EXD3: variants seen among roughly 807,000 people sequenced by gnomAD.
EXD3 encodes exonuclease mut-7 homolog.
Under a neutral mutation model 98.0 loss-of-function variants are expected in EXD3, and 92 were observed. That is an observed-to-expected ratio of 0.94 (90% CI 0.79 to 1.12). The LOEUF is 1.12. Among genes scored for constraint, EXD3 ranks in the 50% most tolerant of loss-of-function variants. The pLI is 0.00. For missense variants in EXD3, 1,222 were observed against 1,191.6 expected (o/e 1.03, Z -0.38); for synonymous variants, 569 against 526.0 (o/e 1.08, Z -1.12).
intron 1 of EXD3, among the ~76,000 whole-genome samples, chr9:137,399,112 A>C (rs1221405682): frequency 6.6e-6 from 1 of 152,244 alleles, no homozygotes; most frequent in South Asian, 2.1e-4. Context: ...CTCCACTGGA[A>C]GCCTGGCTGT....
Position 137,392,319 on chromosome 9 carries a change from G to A in EXD3, c.55+2984C>T, listed in dbSNP as rs147449879. On this transcript the variant is annotated intron_variant, in intron 2 of 21. Coordinates refer to ENST00000340951, the MANE Select transcript of EXD3 (RefSeq NM_017820.5). ...GCCTCTCTAGAACACGCCAGAGGTG[G>A]CCATGTGGACTCTCCTCCAATGACC... 2.1e-3 allele frequency: 326 copies of A among 154,782 alleles called. 2 individuals carry two copies. The highest frequency in any genetic ancestry group is 7.5e-3 in the African/African-American group (312 of 41,582). The allele number at this position is 154,782 out of a possible 1,614,324, so 9.6% of individuals were successfully genotyped here.
chr9:137,354,824 G>A (rs946171950), intron 8 of EXD3, 51 bp from the exon 9 acceptor site: 30 of 1,558,426 alleles, frequency 1.9e-5, no homozygotes, highest in African/African-American at 8.1e-5. Context: ...GCCTCACCAC[G>A]GCCTCCTTCT....
rs368385702 is a variant in EXD3 at position 137,363,113 on chromosome 9, C to T, written c.656+3380G>A. ...GGCATGAGTCACCACACCCAGCCCTCTCATTCTCTTAATTCTTTAATATGT... is the reference window on the plus strand; with the variant it reads ...GGCATGAGTCACCACACCCAGCCCTTTCATTCTCTTAATTCTTTAATATGT... On this transcript the variant is annotated intron_variant, in intron 7 of 21. Transcript: ENST00000340951. Among the ~76,000 whole-genome samples the T allele has an allele frequency of 1.5e-4, 23 of 152,010 alleles. No individual in the cohort carries two copies. The South Asian group carries it at 4.2e-3, about 27-fold the overall frequency.
chr9:137,387,062 C>T (rs1177232138), intron 2 of EXD3, among the ~76,000 whole-genome samples: 1 of 149,890 alleles, frequency 6.7e-6, no homozygotes, highest in Non-Finnish European at 1.5e-5. Context: ...ACCCCTGCTC[C>T]GTGCTTGGCC....
chr9:137,309,703 G>C lies in EXD3; in HGVS notation c.2185-3C>G. On this transcript the variant is annotated splice_polypyrimidine_tract_variant and splice_region_variant and intron_variant, in intron 19 of 21. Coordinates refer to ENST00000340951, the MANE Select transcript of EXD3 (RefSeq NM_017820.5). The stretch of plus-strand genomic sequence containing the variant: ...AGGTACTGGTCACAGTTACAGGCCT[G>C]GGGGCCAGAGGGGGTGCTGAGGCCC... 1.9e-6 allele frequency: 3 copies of C among 1,550,538 alleles called. No homozygotes were observed. Among genetic ancestry groups the C allele is most frequent in the Non-Finnish European group, 2.6e-6 (3 of 1,147,012 alleles).
rs1336476812 is a variant in EXD3, at chr9:137,371,390, G to A, written c.462+1515C>T. Reference sequence around the variant, plus strand: ...CAGCGCCAGGGGTGGGGCCCGCGCGGCCCACACAGGGGACACTCCTGTGAG... The same window carrying A: ...CAGCGCCAGGGGTGGGGCCCGCGCGACCCACACAGGGGACACTCCTGTGAG... On this transcript the variant is annotated intron_variant, in intron 5 of 21. Transcript: ENST00000340951. The surrounding 1 kb of genome is among the most constrained non-coding windows in gnomAD (Gnocchi z 8.0). Among the ~76,000 whole-genome samples, 1 of 152,056 alleles carries A rather than the reference G, an allele frequency of 6.6e-6. No individual in the cohort carries two copies. The highest frequency in any genetic ancestry group is 1.5e-5 in the Non-Finnish European group (1 of 67,964).
chr9:137,322,440 C>A lies in EXD3; in HGVS notation c.2184+1285G>T, dbSNP rs556811445. On this transcript the variant is annotated intron_variant, in intron 19 of 21. Coordinates refer to ENST00000340951, the MANE Select transcript of EXD3 (RefSeq NM_017820.5). ...CGAGGGATGCTCTGCCGACACCTCA[C>A]CCCGGACCCACGAGGGATGCTCTGC... 3.4e-3 allele frequency among the ~76,000 whole-genome samples: 497 copies of A among 146,830 alleles called. 1 individual carries two copies. The highest frequency in any genetic ancestry group is 5.1e-3 in the Non-Finnish European group (332 of 65,666).
chr9:137,349,159 C>T lies in EXD3; in HGVS notation c.1781G>A (p.Arg594Gln), dbSNP rs770651255. ...CGCTTTCTGCAGGCCGGGTGGCTTC[C>T]GTGCCCCTGGTCTCTCTCTGTGCCT... ...RPRHRERPGA[R>Q]KPPGLQKASA... The change falls in exon 16 of 22, where the codon CGG becomes CAG. Residue 594 changes from arginine to glutamine, a missense_variant. By Grantham distance (43) the Arg-to-Gln change is conservative (BLOSUM62 1). Coordinates refer to ENST00000340951, the MANE Select transcript of EXD3 (RefSeq NM_017820.5). The surrounding 1 kb of genome is among the most constrained non-coding windows in gnomAD (Gnocchi z 7.4). 459 of 1,596,182 alleles carry T rather than the reference C, an allele frequency of 2.9e-4. No homozygotes were observed. The highest frequency in any genetic ancestry group is 3.6e-4 in the Non-Finnish European group (425 of 1,177,284).
At chr9:137,367,761 GC>G (rs1564517840) in intron 6 of EXD3, 174 bp downstream of exon 6, 22 of 603,638 alleles carry the variant, frequency 3.6e-5, no homozygotes, top group Non-Finnish European at 4.1e-5. Flanking sequence ...TTTGGGGTCA[GC>G]CCATGAGGAG....
intron 2 of EXD3, 33 bp from the exon 3 acceptor site, chr9:137,383,410 G>A (rs1256210301): frequency 2.7e-6 from 4 of 1,499,098 alleles, no homozygotes; most frequent in Non-Finnish European, 9.0e-7. Context: ...GTGGGAGGGA[G>A]AGGCAGGTGC....
intron 20 of EXD3, 60 bp from the exon 21 acceptor site, chr9:137,307,706 G>T (rs1197655011): frequency 1.9e-6 from 3 of 1,587,614 alleles, no homozygotes; most frequent in Non-Finnish European, 2.6e-6. Context: ...TTGGCAGCCA[G>T]CGGGGTCCAT....
chr9:137,309,607 C>G lies in EXD3; in HGVS notation c.2278G>C (p.Gly760Arg), dbSNP rs1380203211. The G allele has an allele frequency of 6.4e-7, 1 of 1,556,782 alleles. No individual in the cohort carries two copies. The highest frequency in any genetic ancestry group is 8.7e-7 in the Non-Finnish European group (1 of 1,150,456). ...SSHQEGPRSS[G>R]DEATQSQAVQ... is the part of the protein sequence containing the mutation. ...CAGTGCCTGACCCTGACACACTCAC[C>G]TGAGCTCCTGGGCCCCTCCTGGTGA... is the stretch of plus-strand genomic sequence containing the variant. Residue 760 changes from glycine to arginine, a missense_variant and splice_region_variant, in exon 20 of 22, where the codon GGT (glycine) becomes CGT (arginine). Transcript: ENST00000340951.
rs537476530 is a variant in EXD3, at chr9:137,370,682, C to T, written c.462+2223G>A. 8.6e-5 allele frequency among the ~76,000 whole-genome samples: 13 copies of T among 152,000 alleles called. No homozygotes were observed. In the South Asian group the frequency reaches 2.5e-3, roughly 29 times the overall value. On this transcript the variant is annotated intron_variant, in intron 5 of 21. Transcript: ENST00000340951. ...AGGGCATTCCCCGGCTCCCCTGGGC[C>T]CCCCATTCTAAGGGGCAGGAAGGCT... is the stretch of plus-strand genomic sequence containing the variant.
At chr9:137,386,368 G>T (rs1836590799) in intron 2 of EXD3, among the ~76,000 whole-genome samples, 1 of 152,080 alleles carries the variant, frequency 6.6e-6, no homozygotes, top group African/African-American at 2.4e-5. Context: ...CACCTTTCCA[G>T]GTGGGAAGTT....
chr9:137,334,229 C>T (rs1182368452), intron 17 of EXD3, among the ~76,000 whole-genome samples: 1 of 152,108 alleles, frequency 6.6e-6, no homozygotes, highest in South Asian at 2.1e-4. Context: ...CTCGAACGCC[C>T]GACCTCAGGT....
At chr9:137,420,023 G>A (rs1317391158) in intron 1 of EXD3, among the ~76,000 whole-genome samples, 1 of 152,156 alleles carries the variant, frequency 6.6e-6, no homozygotes, top group Non-Finnish European at 1.5e-5. Context: ...AGCCGGGCAT[G>A]GTGGCAGGTG....
chr9:137,379,519 G>T (rs1439380542), intron 3 of EXD3, among the ~76,000 whole-genome samples: 2 of 150,902 alleles, frequency 1.3e-5, no homozygotes, highest in Admixed American at 1.3e-4. Flanking sequence ...GGGCCGAGGG[G>T]AATGGGGCGT....
intron 2 of EXD3, among the ~76,000 whole-genome samples, chr9:137,390,440 A>C (rs1836846591): frequency 1.3e-5 from 2 of 151,888 alleles, no homozygotes; most frequent in African/African-American, 4.8e-5. Flanking sequence ...GCCAAAAAAA[A>C]AAAAAAGTAA....
chr9:137,382,320 C>T (rs746029742), intron 3 of EXD3, among the ~76,000 whole-genome samples: 15 of 151,540 alleles, frequency 9.9e-5, no homozygotes, highest in Admixed American at 4.6e-4. Flanking sequence ...TCCAAGGAGA[C>T]GCCAGGACGA....
Sources: allele counts gnomAD v4.1 joint callset (sites outside exome capture counted in the v4.1 genomes callset), GRCh38; gene constraint gnomAD v4.1.1; non-coding constraint Gnocchi (gnomAD v3.1); transcripts MANE v1.5; gene names NCBI Gene and HGNC (gene_info 2026-07-23, HGNC 2026-07-21).